Variants in ARHGAP35 observed in about 807,000 individuals in gnomAD.
ARHGAP35 encodes the protein Rho GTPase activating protein 35, also known as rho GTPase-activating protein 35.
ARHGAP35 carries 15 observed loss-of-function variants against 111.1 expected under a neutral mutation model. The observed-to-expected ratio is 0.13, with a 90% CI of 0.09 to 0.21. The LOEUF is 0.21. Ranked by LOEUF, ARHGAP35 falls within the 10% of genes least tolerant of loss-of-function variation. ARHGAP35 has a pLI of 1.00. For missense variants in ARHGAP35, 1,262 were observed against 1,873.0 expected, an observed-to-expected ratio of 0.67 and a Z score of 6.02; for synonymous variants, 643 against 710.3, an observed-to-expected ratio of 0.91 and a Z score of 1.51.
At chr19:46,963,762 C>T (rs529103172) in intron 3 of ARHGAP35, among the ~76,000 whole-genome samples, 2 of 152,324 alleles carry the variant, frequency 1.3e-5, no homozygotes, top group South Asian at 4.1e-4. Flanking sequence ...CGGTGTCCTC[C>T]ACGTAGTATG....
intron 1 of ARHGAP35, among the ~76,000 whole-genome samples, chr19:46,876,038 T>G (rs990058490): frequency 5.3e-5 from 8 of 152,150 alleles, no homozygotes; most frequent in Non-Finnish European, 1.0e-4. Flanking sequence ...TCTTACCTGC[T>G]CTGCACCCTC....
In ARHGAP35 at chr19:46,992,699, C is replaced by T. The variant is rs998642908; in HGVS notation, c.4036+3024C>T. Reference sequence around the variant, plus strand: ...TGTGGCTCCAGGGTCCGCATTAACTCCCTGTAATAGCTCACAAAATTCAGT... The same window carrying T: ...TGTGGCTCCAGGGTCCGCATTAACTTCCTGTAATAGCTCACAAAATTCAGT... On this transcript the variant is annotated intron_variant, in intron 5 of 6. Coordinates refer to ENST00000672722, the MANE Select transcript of ARHGAP35 (RefSeq NM_004491.5). The surrounding 1 kb of genome is among the most constrained non-coding windows in gnomAD (Gnocchi z 4.4). 6.6e-6 allele frequency among the ~76,000 whole-genome samples: 1 copy of T among 152,198 alleles called. No individual in the cohort carries two copies.
intron 1 of ARHGAP35, among the ~76,000 whole-genome samples, chr19:46,913,446 T>G (rs1480315110): frequency 6.6e-6 from 1 of 152,184 alleles, no homozygotes; most frequent in East Asian, 1.9e-4. Flanking sequence ...GAGTGTTTCA[T>G]AGAGGTGTTA....
chr19:46,914,807 C>A (rs140436515), intron 1 of ARHGAP35, among the ~76,000 whole-genome samples: 1 of 152,232 alleles, frequency 6.6e-6, no homozygotes, highest in African/African-American at 2.4e-5. Context: ...GTGTTTTGTT[C>A]TGTTTTTCCT....
intron 3 of ARHGAP35, chr19:46,947,498 A>G (rs965974623): frequency 1.3e-5 from 2 of 152,198 alleles, no homozygotes; most frequent in African/African-American, 2.4e-5. Context: ...TTTATAGTTC[A>G]TAAGTGTGAT....
chr19:46,933,812 C>A (rs1373646903), intron 2 of ARHGAP35, among the ~76,000 whole-genome samples: 1 of 152,118 alleles, frequency 6.6e-6, no homozygotes, highest in Non-Finnish European at 1.5e-5. Context: ...CAGAGCGAGA[C>A]CCTATCTAAA....
chr19:46,939,652 A>T (rs1359147303), intron 3 of ARHGAP35, among the ~76,000 whole-genome samples: 1 of 151,434 alleles, frequency 6.6e-6, no homozygotes, highest in Non-Finnish European at 1.5e-5. Flanking sequence ...ACCTCAAGCA[A>T]TCCACCCGCC....
At chr19:46,930,863 A>C (rs1022944680) in intron 2 of ARHGAP35, among the ~76,000 whole-genome samples, 2 of 151,926 alleles carry the variant, frequency 1.3e-5, no homozygotes, top group Non-Finnish European at 2.9e-5. Flanking sequence ...GCGGGAGACG[A>C]CTTTGGTCCT....
In ARHGAP35 at chr19:46,871,638, C is replaced by T. The variant is rs374848712; in HGVS notation, c.-189+10429C>T. ...GATTACAGGCGTGAGCCACCATGCC[C>T]GTCCAGCAATGTTTTAAGAAACGTA... On this transcript the variant is annotated intron_variant, in intron 1 of 6. Transcript: ENST00000672722. Among the ~76,000 whole-genome samples the T allele has an allele frequency of 2.1e-4, 32 of 151,936 alleles. No homozygotes were observed. In the East Asian group the frequency reaches 3.9e-3, roughly 19 times the overall value.
intron 3 of ARHGAP35, chr19:46,947,457 T>G (rs757739561): frequency 6.6e-6 from 1 of 152,180 alleles, no homozygotes; most frequent in African/African-American, 2.4e-5. Flanking sequence ...GAAAACTCTT[T>G]GGCAGTTTAT....
intron 1 of ARHGAP35, among the ~76,000 whole-genome samples, chr19:46,867,762 TTG>T (rs2055866392): frequency 6.7e-6 from 1 of 149,538 alleles, no homozygotes; most frequent in African/African-American, 2.5e-5. Context: ...AAGTTTTTTG[TTG>T]TTGTTGTTGT....
intron 3 of ARHGAP35, chr19:46,947,832 A>C (rs1488069009): frequency 6.6e-6 from 1 of 152,194 alleles, no homozygotes; most frequent in Non-Finnish European, 1.5e-5. Context: ...GGGTTCAGTT[A>C]ATTTCTGGAG....
At chr19:46,892,326 A>G (rs1451757571) in intron 1 of ARHGAP35, among the ~76,000 whole-genome samples, 1 of 150,196 alleles carries the variant, frequency 6.7e-6, no homozygotes, top group African/African-American at 2.4e-5. Flanking sequence ...AGAAAAAAAA[A>G]AAGCCAGGTG....
intron 5 of ARHGAP35, among the ~76,000 whole-genome samples, chr19:46,995,007 T>C (rs934645383): frequency 9.2e-5 from 14 of 152,142 alleles, no homozygotes; most frequent in Non-Finnish European, 2.1e-4. Context: ...CTGAGGACTG[T>C]TGAGGGACCT....
At chr19:46,942,815 CAGAAAAAAAA>C (rs1156827258) in intron 3 of ARHGAP35, among the ~76,000 whole-genome samples, 3 of 42,290 alleles carry the variant, frequency 7.1e-5, no homozygotes, top group African/African-American at 1.0e-4. Flanking sequence ...GACCCTGTCT[CAGAAAAAAAA>C]AAAAAAAAAA....
At chr19:46,861,614 C>T (rs2055828142) in intron 1 of ARHGAP35, among the ~76,000 whole-genome samples, 1 of 151,888 alleles carries the variant, frequency 6.6e-6, no homozygotes, top group Non-Finnish European at 1.5e-5. Context: ...GCTCCTGGGA[C>T]CCATCTTCTC....
chr19:46,933,449 G>A (rs1275586124), intron 2 of ARHGAP35, among the ~76,000 whole-genome samples: 1 of 152,004 alleles, frequency 6.6e-6, no homozygotes, highest in African/African-American at 2.4e-5. Context: ...AGCCCAGCTA[G>A]TGTGCTTTTA....
chr19:46,942,257 A>G (rs1173234252), intron 3 of ARHGAP35, among the ~76,000 whole-genome samples: 2 of 152,234 alleles, frequency 1.3e-5, no homozygotes, highest in Non-Finnish European at 2.9e-5. Context: ...ATTTCTCTGC[A>G]TATACACATA....
rs556004026 is a variant in ARHGAP35 at position 46,872,866 on chromosome 19, G to A, written c.-189+11657G>A. Among the ~76,000 whole-genome samples the A allele has an allele frequency of 2.4e-3, 329 of 138,168 alleles. 1 individual carries two copies. Among genetic ancestry groups the A allele is most frequent in the Middle Eastern group, 0.017 (4 of 242 alleles). The allele number at this position is 138,168 out of a possible 152,430, so 90.6% of individuals were successfully genotyped here. A position where few individuals can be genotyped will look rare whatever the true frequency, so the allele number is the denominator to read the frequency against. On this transcript the variant is annotated intron_variant, in intron 1 of 6. Coordinates refer to ENST00000672722, the MANE Select transcript of ARHGAP35 (RefSeq NM_004491.5). ...ACTACACTCCGGCCTGGGCGACAGA[G>A]CAAGACTCCGTCTCAAAAAAAAAAA... is the stretch of plus-strand genomic sequence containing the variant.
Sources: gnomAD v4.1 joint callset for allele counts (sites outside exome capture counted in the v4.1 genomes callset) on GRCh38, gnomAD v4.1.1 for gene constraint, Gnocchi (gnomAD v3.1) non-coding constraint, MANE v1.5 for transcripts, NCBI Gene and HGNC (gene_info 2026-07-23, HGNC 2026-07-21) for gene names.